The following GATAD2B variants were observed in gnomAD, a reference collection of about 807,000 sequenced individuals.
GATAD2B encodes the protein transcriptional repressor p66-beta.
A neutral mutation model predicts 64.3 loss-of-function variants in GATAD2B; 8 were observed. The observed-to-expected ratio is 0.12, with a 90% CI of 0.07 to 0.22. GATAD2B has a LOEUF of 0.22. Ranked by LOEUF, GATAD2B falls within the 10% of genes least tolerant of loss-of-function variation. The pLI, the probability that GATAD2B is intolerant of heterozygous loss-of-function variation, is 1.00. For synonymous variants in GATAD2B, 281 were observed against 271.3 expected (o/e 1.04, Z -0.35); for missense variants, 453 against 752.0 (o/e 0.60, Z 4.65).
chr1:153,810,924 G>T (rs189444916), intron 10 of GATAD2B, among the ~76,000 whole-genome samples: 1 of 150,902 alleles, frequency 6.6e-6, no homozygotes, highest in Non-Finnish European at 1.5e-5. Context: ...CCACCACGCC[G>T]GGCTAATTTT....
chr1:153,919,949 C>T (rs1678381778), intron 1 of GATAD2B, among the ~76,000 whole-genome samples: 1 of 152,230 alleles, frequency 6.6e-6, no homozygotes, highest in African/African-American at 2.4e-5. Flanking sequence ...ATTTCTCTAG[C>T]AGTTGTTTTA....
intron 10 of GATAD2B, 66 bp from the exon 11 acceptor site, chr1:153,810,376 AC>A: frequency 2.0e-6 from 3 of 1,521,266 alleles, no homozygotes; most frequent in Non-Finnish European, 1.8e-6. Context: ...CTTCCACTCT[AC>A]CCTCGGGCTG....
intron 1 of GATAD2B, among the ~76,000 whole-genome samples, chr1:153,920,445 G>GT (rs1221652181): frequency 6.6e-6 from 1 of 152,244 alleles, no homozygotes; most frequent in Non-Finnish European, 1.5e-5. Context: ...CCACCACCCT[G>GT]TGGCCCTATG....
intron 1 of GATAD2B, among the ~76,000 whole-genome samples, chr1:153,896,868 C>G (rs1233016764): frequency 6.6e-6 from 1 of 152,142 alleles, no homozygotes; most frequent in Non-Finnish European, 1.5e-5. Context: ...AAAATGTCAT[C>G]AAACTACAGA....
intron 1 of GATAD2B, among the ~76,000 whole-genome samples, chr1:153,877,545 C>T (rs1247924711): frequency 6.6e-6 from 1 of 151,820 alleles, no homozygotes; most frequent in Non-Finnish European, 1.5e-5. Context: ...TAAGATTATC[C>T]TCACTAATCT....
At chr1:153,852,417 T>C (rs1307834580) in intron 1 of GATAD2B, 5 of 780,782 alleles carry the variant, frequency 6.4e-6, no homozygotes, top group Admixed American at 3.5e-5. Flanking sequence ...ATCATGGATG[T>C]TGGACAGAAG....
chr1:153,811,930 A>C lies in GATAD2B; in HGVS notation c.1531-82T>G, dbSNP rs183352699. ...GGCAAAGATAAGGGAGTACAGAAGA[A>C]GACTATGATTTCCCACAATAGAAAG... On this transcript the variant is annotated intron_variant, in intron 9 of 10. Coordinates refer to ENST00000368655, the MANE Select transcript of GATAD2B (RefSeq NM_020699.4). The C allele has an allele frequency of 9.1e-5, 113 of 1,247,822 alleles. 1 individual carries two copies. Among genetic ancestry groups the C allele is most frequent in the East Asian group, 4.2e-4 (18 of 43,072 alleles). The allele number at this position is 1,247,822 out of a possible 1,614,324, so 77.3% of individuals were successfully genotyped here. A position where few individuals can be genotyped will look rare whatever the true frequency, so the allele number is the denominator to read the frequency against.
chr1:153,810,450 T>C, intron 10 of GATAD2B, 140 bp from the exon 11 acceptor site: 1 of 773,852 alleles, frequency 1.3e-6, no homozygotes, highest in Non-Finnish European at 2.1e-6. Context: ...GTTAGCTTTA[T>C]TTCAACAGCA....
rs1449969202 is a variant in GATAD2B, at chr1:153,819,750, G to A, written c.336-15C>T. On this transcript the variant is annotated splice_polypyrimidine_tract_variant and intron_variant, in intron 2 of 10. Coordinates refer to ENST00000368655, the MANE Select transcript of GATAD2B (RefSeq NM_020699.4). ...GCTCTGGCTCACTAGACAAGAAAGG[G>A]AAAAAATAAGCTATTTCCAACAAAA... 6.4e-7 allele frequency: 1 copy of A among 1,573,656 alleles called. No homozygotes were observed. Among genetic ancestry groups the A allele is most frequent in the Non-Finnish European group, 8.6e-7 (1 of 1,166,254 alleles).
At chr1:153,918,744 G>A (rs1422764529) in intron 1 of GATAD2B, among the ~76,000 whole-genome samples, 1 of 152,156 alleles carries the variant, frequency 6.6e-6, no homozygotes, top group Non-Finnish European at 1.5e-5. Context: ...CCTGAGGTCA[G>A]GAGTTCGAGA....
At chr1:153,830,685 C>A (rs144215719) in intron 1 of GATAD2B, among the ~76,000 whole-genome samples, 1 of 150,952 alleles carries the variant, frequency 6.6e-6, no homozygotes, top group Non-Finnish European at 1.5e-5. Flanking sequence ...CTGTTTTAGC[C>A]GGGATGGTCT....
chr1:153,859,922 T>C (rs1676222659), intron 1 of GATAD2B, among the ~76,000 whole-genome samples: 2 of 135,054 alleles, frequency 1.5e-5, no homozygotes, highest in South Asian at 2.5e-4. Flanking sequence ...TTTTTTTTTT[T>C]TTTTTTTTTT....
chr1:153,850,430 G>C (rs1347436149), intron 1 of GATAD2B, among the ~76,000 whole-genome samples: 2 of 152,078 alleles, frequency 1.3e-5, no homozygotes, highest in Non-Finnish European at 2.9e-5. Context: ...CTCCTGAGTA[G>C]CTGGGATTAC....
chr1:153,865,588 C>T (rs1021064198), intron 1 of GATAD2B, among the ~76,000 whole-genome samples: 2 of 152,176 alleles, frequency 1.3e-5, no homozygotes, highest in African/African-American at 4.8e-5. Flanking sequence ...ATGGTGATGA[C>T]GTGGAACATT....
intron 1 of GATAD2B, among the ~76,000 whole-genome samples, chr1:153,881,323 T>G (rs1185188575): frequency 6.6e-6 from 1 of 151,970 alleles, no homozygotes; most frequent in Non-Finnish European, 1.5e-5. Flanking sequence ...AAAGAAATTT[T>G]AAAAAGGGGA....
chr1:153,807,956 T>A lies in GATAD2B; in HGVS notation c.*2221A>T, dbSNP rs1011087432. On this transcript the variant is annotated 3_prime_UTR_variant, in exon 11 of 11. Coordinates refer to ENST00000368655, the MANE Select transcript of GATAD2B (RefSeq NM_020699.4). ...AGATGACTTGTGGGGAAAACATTTT[T>A]AAAAAAAGCTTCCAATTTTGTGGAA... The A allele has an allele frequency of 6.6e-6, 1 of 152,320 alleles. No homozygotes were observed. The highest frequency in any genetic ancestry group is 2.4e-5 in the African/African-American group (1 of 41,312). The allele number at this position is 152,320 out of a possible 1,614,324, so 9.4% of individuals were successfully genotyped here.
At chr1:153,827,899 CTTCTT>C (rs879315252) in intron 2 of GATAD2B, 109 bp downstream of exon 2, 14 of 776,394 alleles carry the variant, frequency 1.8e-5, no homozygotes, top group Non-Finnish European at 2.5e-5. Context: ...GATGATATAT[CTTCTT>C]TTAAGAATCT....
At chr1:153,902,869 A>T (rs1677820960) in intron 1 of GATAD2B, among the ~76,000 whole-genome samples, 1 of 152,182 alleles carries the variant, frequency 6.6e-6, no homozygotes, top group Non-Finnish European at 1.5e-5. Flanking sequence ...TTTACATAGT[A>T]GGCATACAAG....
At chr1:153,863,241 G>A (rs1000509767) in intron 1 of GATAD2B, among the ~76,000 whole-genome samples, 2 of 152,086 alleles carry the variant, frequency 1.3e-5, no homozygotes, top group African/African-American at 4.8e-5. Flanking sequence ...AACAGTTTGG[G>A]GGGCCGAGGC....
Sources: allele counts gnomAD v4.1 joint callset (sites outside exome capture counted in the v4.1 genomes callset), GRCh38; gene constraint gnomAD v4.1.1; transcripts MANE v1.5; gene names NCBI Gene and HGNC (gene_info 2026-07-23, HGNC 2026-07-21).